The following NACC2 variants were observed in gnomAD, a reference collection of about 807,000 sequenced individuals.
NACC2 encodes the protein nucleus accumbens-associated protein 2.
In NACC2, 8 loss-of-function variants were observed where a neutral mutation model predicts 25.1. The ratio of observed to expected loss-of-function variants is 0.32; its 90% confidence interval spans 0.19 to 0.57. The LOEUF is 0.57. NACC2 is among the 20% of genes least tolerant of loss of function. The pLI, the probability that NACC2 is intolerant of heterozygous loss-of-function variation, is 0.89. For synonymous variants in NACC2, 435 were observed against 294.7 expected (o/e 1.48, Z -4.88); for missense variants, 644 against 650.2 (o/e 0.99, Z 0.10).
chr9:136,083,190 C>T (rs936878375), intron 1 of NACC2, among the ~76,000 whole-genome samples: 1 of 152,222 alleles, frequency 6.6e-6, no homozygotes, highest in African/African-American at 2.4e-5. Flanking sequence ...ACAGAAGAGC[C>T]AGTGGCCACA....
chr9:136,020,851 G>A lies in NACC2; in HGVS notation c.887-4422C>T, dbSNP rs370926252. 2.0e-5 allele frequency among the ~76,000 whole-genome samples: 3 copies of A among 152,132 alleles called. No homozygotes were observed. Among genetic ancestry groups the A allele is most frequent in the Non-Finnish European group, 2.9e-5 (2 of 68,042 alleles). Reference sequence around the variant, plus strand: ...GCACCAGCCTTTGTCAACGGAGGAGGCAGCAGCCTTCACAAATGGGGCTTG... The same window carrying A: ...GCACCAGCCTTTGTCAACGGAGGAGACAGCAGCCTTCACAAATGGGGCTTG... On this transcript the variant is annotated intron_variant, in intron 2 of 5. Transcript: ENST00000277554. This position sits in a 1 kb window ranked among gnomAD's most constrained non-coding sequence, Gnocchi z 4.7.
rs987337744 is a variant in NACC2, at chr9:136,050,301, G to A, written c.221C>T (p.Pro74Leu). 2 of 747,224 alleles carry A rather than the reference G, an allele frequency of 2.7e-6. No homozygotes were observed. Among genetic ancestry groups the A allele is most frequent in the African/African-American group, 1.7e-5 (1 of 58,498 alleles). The allele number at this position is 747,224 out of a possible 1,614,324, so 46.3% of individuals were successfully genotyped here. ...KSAFELPGSV[P>L]PACFQQILSF... ...CAGGATCTGCTGGAAGCAGGCGGGC[G>A]GCACGGAGCCGGGCAGCTCGAAGGC... Residue 74 changes from proline to leucine, a missense_variant, in exon 2 of 6, where the codon CCG becomes CTG. Transcript: ENST00000277554.
At chr9:136,079,276 C>G (rs897832376) in intron 1 of NACC2, among the ~76,000 whole-genome samples, 4 of 152,206 alleles carry the variant, frequency 2.6e-5, no homozygotes, top group Non-Finnish European at 4.4e-5. Flanking sequence ...GGCACTTGCC[C>G]AGAGTCCCAC....
At chr9:136,066,947 TAAA>T (rs57371679) in intron 1 of NACC2, among the ~76,000 whole-genome samples, 6 of 140,088 alleles carry the variant, frequency 4.3e-5, no homozygotes, top group East Asian at 2.1e-4. Flanking sequence ...TTAAAAAGAT[TAAA>T]AAAAAAAAAA....
Position 136,070,224 on chromosome 9 carries a change from C to T in NACC2, c.-59-19644G>A, listed in dbSNP as rs535712823. Among the ~76,000 whole-genome samples the T allele has an allele frequency of 3.9e-5, 6 of 151,924 alleles. No homozygotes were observed. In the South Asian group the frequency reaches 1.2e-3, roughly 31 times the overall value. ...GAAGAAGTCTCAAGAAAATCAAATA[C>T]GGGCCGGGCGTGGTGGCTCACGCCT... On this transcript the variant is annotated intron_variant, in intron 1 of 5. Coordinates refer to ENST00000277554, the MANE Select transcript of NACC2 (RefSeq NM_144653.5).
chr9:136,079,049 T>C (rs904270196), intron 1 of NACC2, among the ~76,000 whole-genome samples: 1 of 133,548 alleles, frequency 7.5e-6, no homozygotes, highest in African/African-American at 2.8e-5. Flanking sequence ...ACTTCAATCA[T>C]AGCTTCTTCT....
intron 1 of NACC2, among the ~76,000 whole-genome samples, chr9:136,066,491 G>T (rs1841082333): frequency 6.6e-6 from 1 of 152,104 alleles, no homozygotes; most frequent in African/African-American, 2.4e-5. Context: ...TAATCAAAAA[G>T]ACAGAAAACA....
intron 2 of NACC2, among the ~76,000 whole-genome samples, chr9:136,048,059 G>A (rs1464067510): frequency 1.2e-4 from 19 of 152,200 alleles, no homozygotes; most frequent in African/African-American, 4.1e-4. Context: ...TCGGCAACCC[G>A]TCGGCAGGGC....
intron 2 of NACC2, among the ~76,000 whole-genome samples, chr9:136,049,279 G>A (rs915228728): frequency 6.6e-6 from 1 of 152,188 alleles, no homozygotes; most frequent in African/African-American, 2.4e-5. Context: ...GCAGACTGAG[G>A]TTAAAGGGGA....
chr9:136,087,688 T>C (rs992593531), intron 1 of NACC2, among the ~76,000 whole-genome samples: 2 of 152,128 alleles, frequency 1.3e-5, no homozygotes, highest in Non-Finnish European at 2.9e-5. Context: ...GAGGCCATGG[T>C]GTTTGCCCAG....
At chr9:136,012,800 C>T (rs1432246670) in intron 5 of NACC2, among the ~76,000 whole-genome samples, 3 of 152,156 alleles carry the variant, frequency 2.0e-5, no homozygotes, top group South Asian at 2.1e-4. Flanking sequence ...GGGCCGGGGG[C>T]GGCGGTCTGC....
intron 1 of NACC2, among the ~76,000 whole-genome samples, chr9:136,073,720 G>A (rs777658233): frequency 6.6e-6 from 1 of 152,228 alleles, no homozygotes; most frequent in Non-Finnish European, 1.5e-5. Context: ...GCAGCTGCGT[G>A]TGTGCTACAA....
In NACC2 at chr9:136,011,556, G is replaced by GCGGCCGC; in HGVS notation, c.1717_1723dup (p.Ala575GlyfsTer36). 1 of 1,405,698 alleles carries GCGGCCGC rather than the reference G, an allele frequency of 7.1e-7. No individual in the cohort carries two copies. Among genetic ancestry groups the GCGGCCGC allele is most frequent in the Non-Finnish European group, 9.2e-7 (1 of 1,085,776 alleles). 87.1% of individuals were successfully genotyped at this position (1,405,698 alleles called of 1,614,324 possible). The stretch of plus-strand genomic sequence containing the variant: ...ATAGGTGCCCTCCGGCCTCCGGGCC[G>GCGGCCGC]CGGCCGCCGGCGTCTGGGGCCTGCT... On this transcript the variant is annotated frameshift_variant, in exon 6 of 6. Transcript: ENST00000277554. LOFTEE classifies it high-confidence loss of function.
At position 136,020,312 on chromosome 9, in the gene NACC2, G is replaced by A. The variant is rs539700511; in HGVS notation, c.887-3883C>T. ...CTGATTGGGTTCTGAGGTGCTCCAC[G>A]TCCTCACCAGGCAAAACACCCCGAG... On this transcript the variant is annotated intron_variant, in intron 2 of 5. Coordinates refer to ENST00000277554, the MANE Select transcript of NACC2 (RefSeq NM_144653.5). This position sits in a 1 kb window ranked among gnomAD's most constrained non-coding sequence, Gnocchi z 4.7. Among the ~76,000 whole-genome samples, 8 of 152,082 alleles carry A rather than the reference G, an allele frequency of 5.3e-5. No homozygotes were observed. Among genetic ancestry groups the A allele is most frequent in the Non-Finnish European group, 8.8e-5 (6 of 68,010 alleles).
At chr9:136,070,313 C>T (rs576508029) in intron 1 of NACC2, among the ~76,000 whole-genome samples, 19 of 151,600 alleles carry the variant, frequency 1.3e-4, no homozygotes, top group Non-Finnish European at 2.5e-4. Context: ...CAAGACCAGC[C>T]TGGCCAAGAT....
At chr9:136,064,565 A>T (rs1263076084) in intron 1 of NACC2, among the ~76,000 whole-genome samples, 2 of 152,254 alleles carry the variant, frequency 1.3e-5, no homozygotes, top group Non-Finnish European at 2.9e-5. Context: ...CTAAAGAAGT[A>T]AAACATCCAT....
At chr9:136,028,530 G>C (rs192841895) in intron 2 of NACC2, among the ~76,000 whole-genome samples, 2,145 of 152,206 alleles carry the variant, frequency 0.014, 87 homozygotes, top group South Asian at 0.089. Flanking sequence ...TGATGGCAGC[G>C]GTGGCCCGTC....
intron 2 of NACC2, among the ~76,000 whole-genome samples, chr9:136,027,088 G>A (rs772574338): frequency 2.0e-5 from 3 of 152,194 alleles, no homozygotes; most frequent in Non-Finnish European, 4.4e-5. Context: ...CAGCCGGTGT[G>A]GTGGCACATG....
rs893271801 is a variant in NACC2 at position 136,010,195 on chromosome 9, G to C, written c.*1321C>G. On this transcript the variant is annotated 3_prime_UTR_variant, in exon 6 of 6. Coordinates refer to ENST00000277554, the MANE Select transcript of NACC2 (RefSeq NM_144653.5). The surrounding 1 kb of genome is among the most constrained non-coding windows in gnomAD (Gnocchi z 4.9). ...TCCACTGTCCCTGGCCCCCCAACAT[G>C]ATCCCTAACCCTCTGTCCCCTACCA... 2.6e-5 allele frequency: 4 copies of C among 152,328 alleles called. No homozygotes were observed. Among genetic ancestry groups the C allele is most frequent in the Admixed American group, 6.5e-5 (1 of 15,270 alleles). The allele number at this position is 152,328 out of a possible 1,614,324, so 9.4% of individuals were successfully genotyped here.
Sources: allele counts gnomAD v4.1 joint callset (sites outside exome capture counted in the v4.1 genomes callset), GRCh38; gene constraint gnomAD v4.1.1; non-coding constraint Gnocchi (gnomAD v3.1); transcripts MANE v1.5; gene names NCBI Gene and HGNC (gene_info 2026-07-23, HGNC 2026-07-21).